UNC79: variants seen among roughly 807,000 people sequenced by gnomAD.
The protein encoded by UNC79 is unc-79 subunit of NALCN channel complex.
UNC79 carries 37 observed loss-of-function variants against 283.1 expected under a neutral mutation model. That is an observed-to-expected ratio of 0.13 (90% CI 0.10 to 0.17). The LOEUF (loss-of-function observed/expected upper bound fraction) is 0.17. Among genes scored for constraint, UNC79 ranks in the 10% least tolerant of loss-of-function variants. The pLI, the probability that UNC79 is intolerant of heterozygous loss-of-function variation, is 1.00. For synonymous variants in UNC79, 1,107 were observed against 1,200.2 expected, an observed-to-expected ratio of 0.92 and a Z score of 1.61; for missense variants, 2,272 against 3,211.1, an observed-to-expected ratio of 0.71 and a Z score of 7.07.
At chr14:93,519,250 C>A (rs1044860961) in intron 7 of UNC79, among the ~76,000 whole-genome samples, 2 of 151,716 alleles carry the variant, frequency 1.3e-5, no homozygotes, top group African/African-American at 4.8e-5. Flanking sequence ...CTTGGTTTTT[C>A]TGGTAATATT....
At chr14:93,540,966 G>A in intron 13 of UNC79, 135 bp downstream of exon 13, 1 of 1,097,160 alleles carries the variant, frequency 9.1e-7, no homozygotes, top group African/African-American at 1.6e-5. Context: ...TGAAGCTATG[G>A]CAATAGCTGT....
chr14:93,494,646 T>C (rs1380783955), intron 5 of UNC79, among the ~76,000 whole-genome samples: 1 of 152,014 alleles, frequency 6.6e-6, no homozygotes, highest in Non-Finnish European at 1.5e-5. Context: ...TGTGTGTGAG[T>C]GTGAGATTGC....
chr14:93,553,186 C>G (rs183444914), intron 14 of UNC79, among the ~76,000 whole-genome samples: 36 of 152,214 alleles, frequency 2.4e-4, no homozygotes, highest in African/African-American at 8.2e-4. Flanking sequence ...AAGAAACATG[C>G]TCAAAATTTT....
chr14:93,493,611 A>G (rs1321100461), intron 5 of UNC79, among the ~76,000 whole-genome samples: 1 of 152,130 alleles, frequency 6.6e-6, no homozygotes, highest in Non-Finnish European at 1.5e-5. Flanking sequence ...CATATTGGCT[A>G]GAGTGGGTTT....
intron 40 of UNC79, among the ~76,000 whole-genome samples, chr14:93,668,966 G>A (rs1488989747): frequency 8.1e-6 from 1 of 122,980 alleles, no homozygotes; most frequent in Non-Finnish European, 1.6e-5. Context: ...GCAACAGAGT[G>A]AGAACATTGT....
At chr14:93,535,902 C>T (rs959806648) in intron 11 of UNC79, among the ~76,000 whole-genome samples, 3 of 152,166 alleles carry the variant, frequency 2.0e-5, no homozygotes, top group African/African-American at 7.2e-5. Context: ...GGGAAACTAT[C>T]CTTGACTTCT....
chr14:93,617,363 A>T lies in UNC79; in HGVS notation c.4224+59A>T, dbSNP rs2066805858. The T allele has an allele frequency of 4.5e-6, 7 of 1,540,600 alleles. No homozygotes were observed. In the South Asian group the frequency reaches 7.6e-5, roughly 17 times the overall value. On this transcript the variant is annotated intron_variant, in intron 28 of 48. Coordinates refer to ENST00000555664, the Ensembl canonical transcript of UNC79. The surrounding 1 kb of genome is among the most constrained non-coding windows in gnomAD (Gnocchi z 4.5). ...ATGGTTCTCTTAGAGAGCATATAGC[A>T]TTAGGAGAACACCTGAGTCTTTAGT...
At chr14:93,590,942 G>A (rs2064626219) in intron 22 of UNC79, among the ~76,000 whole-genome samples, 1 of 152,174 alleles carries the variant, frequency 6.6e-6, no homozygotes, top group African/African-American at 2.4e-5. Flanking sequence ...TTGTAATCAT[G>A]ATGGTGGTAG....
intron 4 of UNC79, among the ~76,000 whole-genome samples, chr14:93,482,805 T>G (rs1244853652): frequency 6.6e-6 from 1 of 152,094 alleles, no homozygotes; most frequent in Non-Finnish European, 1.5e-5. Context: ...CCTTCTGCTC[T>G]CCATCAAAAA....
intron 1 of UNC79, among the ~76,000 whole-genome samples, chr14:93,438,885 C>T (rs1337149574): frequency 1.3e-5 from 2 of 151,946 alleles, no homozygotes; most frequent in Non-Finnish European, 2.9e-5. Flanking sequence ...TTGTTCAAGT[C>T]TGTGCCTTTC....
chr14:93,705,962 G>A (rs1595170518), intron 48 of UNC79, among the ~76,000 whole-genome samples: 1 of 152,168 alleles, frequency 6.6e-6, no homozygotes, highest in South Asian at 2.1e-4. Context: ...TGTGGCGGCC[G>A]TCGGGGGCAT....
chr14:93,342,507 C>T (rs2053735288), intron 1 of UNC79, among the ~76,000 whole-genome samples: 1 of 152,226 alleles, frequency 6.6e-6, no homozygotes, highest in Non-Finnish European at 1.5e-5. Context: ...CTGAAATACC[C>T]TGGAGACATT....
At chr14:93,510,474 T>C (rs915929960) in intron 7 of UNC79, among the ~76,000 whole-genome samples, 4 of 152,264 alleles carry the variant, frequency 2.6e-5, no homozygotes, top group Non-Finnish European at 4.4e-5. Flanking sequence ...TCTTTGCTTA[T>C]GAATGTAAGT....
chr14:93,523,816 T>G (rs1197008554), intron 7 of UNC79, among the ~76,000 whole-genome samples, 162 bp from the exon 8 acceptor site: 1 of 152,232 alleles, frequency 6.6e-6, no homozygotes, highest in Admixed American at 6.5e-5. Context: ...TGTATATCTT[T>G]GCTTGTCTTT....
intron 35 of UNC79, among the ~76,000 whole-genome samples, chr14:93,651,912 A>ATTTTTTT (rs71129653): frequency 2.8e-4 from 13 of 46,602 alleles, no homozygotes; most frequent in Non-Finnish European, 4.5e-4. Flanking sequence ...CTAATTTTGT[A>ATTTTTTT]TTTTTTTTTT....
intron 1 of UNC79, among the ~76,000 whole-genome samples, chr14:93,361,292 T>C (rs1207940102): frequency 6.6e-6 from 1 of 150,800 alleles, no homozygotes; most frequent in Non-Finnish European, 1.5e-5. Flanking sequence ...CTGTTTGGAT[T>C]TTGTAGGCAA....
At chr14:93,662,560 A>AAG in intron 39 of UNC79, 44 bp from the exon 43 acceptor site, 1 of 1,283,890 alleles carries the variant, frequency 7.8e-7, no homozygotes, top group South Asian at 1.4e-5. Context: ...TTTTGAAATG[A>AAG]AGTAATCAGC....
intron 1 of UNC79, among the ~76,000 whole-genome samples, chr14:93,356,674 T>G (rs1451757118): frequency 1.3e-5 from 2 of 152,248 alleles, no homozygotes; most frequent in East Asian, 3.8e-4. Context: ...ATTCTGCCAT[T>G]ACCAGAAGTG....
At chr14:93,501,600 A>G (rs8014533) in intron 7 of UNC79, among the ~76,000 whole-genome samples, 46,607 of 151,702 alleles carry the variant, frequency 0.31, 7,513 homozygotes, top group East Asian at 0.65. Context: ...AGGCAGGGGA[A>G]TTGCTTGAAC....
Sources: allele counts gnomAD v4.1 joint callset (sites outside exome capture counted in the v4.1 genomes callset), GRCh38; gene constraint gnomAD v4.1.1; non-coding constraint Gnocchi (gnomAD v3.1); transcripts MANE v1.5; gene names NCBI Gene and HGNC (gene_info 2026-07-23, HGNC 2026-07-21).